The following PDE4D variants were observed in gnomAD, a reference collection of about 807,000 sequenced individuals.
PDE4D encodes the protein phosphodiesterase 4D, also known as 3',5'-cyclic-AMP phosphodiesterase 4D.
PDE4D carries 24 observed loss-of-function variants against 87.4 expected under a neutral mutation model. That is an observed-to-expected ratio of 0.27 (90% CI 0.20 to 0.39). PDE4D has a LOEUF of 0.39. Ranked by LOEUF, PDE4D falls within the 10% of genes least tolerant of loss-of-function variation. PDE4D has a pLI of 1.00. For missense variants in PDE4D, 714 were observed against 1,041.0 expected, an observed-to-expected ratio of 0.69 and a Z score of 4.32; for synonymous variants, 384 against 383.2, an observed-to-expected ratio of 1.00 and a Z score of -0.02.
At chr5:60,365,584 T>C (rs950866996) in intron 1 of PDE4D, among the ~76,000 whole-genome samples, 13 of 152,200 alleles carry the variant, frequency 8.5e-5, no homozygotes, top group African/African-American at 3.1e-4. Flanking sequence ...AATCAATAGA[T>C]AGATAAATAT....
chr5:59,474,645 A>G (rs147836078), intron 1 of PDE4D, among the ~76,000 whole-genome samples: 2,373 of 152,252 alleles, frequency 0.016, 79 homozygotes, highest in African/African-American at 0.055. Flanking sequence ...TACTACAATA[A>G]GTAGAGCCTC....
In PDE4D at chr5:60,437,885, T is replaced by C. The variant is rs557288419; in HGVS notation, c.-90+50057A>G. 7.9e-4 allele frequency among the ~76,000 whole-genome samples: 120 copies of C among 152,280 alleles called. 1 individual carries two copies. The highest frequency in any genetic ancestry group is 2.8e-3 in the African/African-American group (115 of 41,576). On this transcript the variant is annotated intron_variant, in intron 1 of 16. Transcript: ENST00000502484. Reference sequence around the variant, plus strand: ...AGAAGCTATGATGAATTTTTATTTCTACTTTCCTTCATTAGAACAACTTTT... The same window carrying C: ...AGAAGCTATGATGAATTTTTATTTCCACTTTCCTTCATTAGAACAACTTTT...
At chr5:59,308,859 A>T (rs1401369786) in intron 1 of PDE4D, among the ~76,000 whole-genome samples, 1 of 151,876 alleles carries the variant, frequency 6.6e-6, no homozygotes, top group Non-Finnish European at 1.5e-5. Context: ...GGGAAGGACC[A>T]TCAGGTGGGG....
At chr5:59,997,981 A>G (rs1443607895) in intron 2 of PDE4D, among the ~76,000 whole-genome samples, 2 of 152,236 alleles carry the variant, frequency 1.3e-5, no homozygotes, top group Non-Finnish European at 2.9e-5. Flanking sequence ...GGCTGGTTCC[A>G]TGGGAGCTTT....
chr5:59,053,485 G>A (rs1224020393), intron 5 of PDE4D, among the ~76,000 whole-genome samples: 1 of 151,366 alleles, frequency 6.6e-6, no homozygotes, highest in Non-Finnish European at 1.5e-5. Context: ...ACAAAAATAT[G>A]TGTAGCAAGT....
At chr5:59,517,990 A>G (rs189052276) in intron 1 of PDE4D, among the ~76,000 whole-genome samples, 23 of 152,316 alleles carry the variant, frequency 1.5e-4, no homozygotes, top group African/African-American at 5.5e-4. Context: ...TCAATTAATT[A>G]TTTGTTGTTG....
intron 2 of PDE4D, chr5:60,127,804 T>C (rs1779241718): frequency 2.2e-6 from 1 of 453,260 alleles, no homozygotes; most frequent in Non-Finnish European, 3.9e-6. Flanking sequence ...AGGACAAATA[T>C]GGGCTGAATA....
chr5:59,384,526 G>T (rs1262365186), intron 1 of PDE4D, among the ~76,000 whole-genome samples: 1 of 152,120 alleles, frequency 6.6e-6, no homozygotes, highest in Non-Finnish European at 1.5e-5. Flanking sequence ...TGTAGTATGG[G>T]AAACAACAAT....
At chr5:59,238,332 G>A (rs1048584909) in intron 1 of PDE4D, among the ~76,000 whole-genome samples, 6 of 152,072 alleles carry the variant, frequency 3.9e-5, no homozygotes, top group African/African-American at 7.2e-5. Context: ...TTGTAATATA[G>A]GATCAACAGT....
At chr5:60,008,237 T>A (rs942396446) in intron 2 of PDE4D, among the ~76,000 whole-genome samples, 4 of 151,754 alleles carry the variant, frequency 2.6e-5, no homozygotes, top group African/African-American at 9.7e-5. Context: ...TCCTTTTTTA[T>A]CCCCCCGGGT....
intron 1 of PDE4D, among the ~76,000 whole-genome samples, chr5:59,236,767 C>T (rs373108231): frequency 5.5e-5 from 8 of 144,482 alleles, no homozygotes; most frequent in South Asian, 2.2e-4. Context: ...TGTGGTTAAA[C>T]GGGATGGAGA....
At position 59,311,794 on chromosome 5, in the gene PDE4D, C is replaced by T. The variant is rs140470396; in HGVS notation, c.456-95826G>A. Among the ~76,000 whole-genome samples, 201 of 152,192 alleles carry T rather than the reference C, an allele frequency of 1.3e-3. 1 individual carries two copies. The highest frequency in any genetic ancestry group is 4.6e-3 in the African/African-American group (193 of 41,542). Reference sequence around the variant, plus strand: ...TTCTGCCATTATCAGGGCAAAAAGCCAGAGGTCCCCTATTTACAAACCTTT... The same window carrying T: ...TTCTGCCATTATCAGGGCAAAAAGCTAGAGGTCCCCTATTTACAAACCTTT... On this transcript the variant is annotated intron_variant, in intron 1 of 14. Transcript: ENST00000340635.
At chr5:59,442,495 C>G (rs1025155148) in intron 1 of PDE4D, among the ~76,000 whole-genome samples, 5 of 152,186 alleles carry the variant, frequency 3.3e-5, no homozygotes, top group Non-Finnish European at 7.3e-5. Flanking sequence ...TGAAGAGTGA[C>G]ACCCAGAGAA....
chr5:60,147,246 G>C lies in PDE4D; in HGVS notation c.42+38311C>G, dbSNP rs73100739. Among the ~76,000 whole-genome samples, 545 of 152,298 alleles carry C rather than the reference G, an allele frequency of 3.6e-3. 1 individual carries two copies. Among genetic ancestry groups the C allele is most frequent in the African/African-American group, 0.012 (517 of 41,560 alleles). On this transcript the variant is annotated intron_variant, in intron 2 of 16. Transcript: ENST00000502484. ...AAGAAAGGTTTCCCAGAACACCTTT[G>C]AAAGTTGGTGCCTTATAAATGGAAA...
intron 1 of PDE4D, among the ~76,000 whole-genome samples, chr5:59,310,232 C>T (rs59760954): frequency 0.14 from 20,929 of 152,118 alleles, 1,712 homozygotes; most frequent in East Asian, 0.33. Context: ...TAAGTCTACA[C>T]CCTATTATGC....
intron 2 of PDE4D, among the ~76,000 whole-genome samples, chr5:60,076,654 A>G (rs1309335345): frequency 7.0e-6 from 1 of 143,784 alleles, no homozygotes; most frequent in Non-Finnish European, 1.5e-5. Flanking sequence ...TCAGTTCCCA[A>G]CTTTGTTTTC....
chr5:59,957,270 A>T (rs1758936347), intron 3 of PDE4D, among the ~76,000 whole-genome samples: 1 of 152,086 alleles, frequency 6.6e-6, no homozygotes, highest in African/African-American at 2.4e-5. Context: ...TTGCTTTTGA[A>T]TACTGAGTGT....
chr5:59,661,175 C>T (rs1745204757), intron 1 of PDE4D, among the ~76,000 whole-genome samples: 1 of 151,122 alleles, frequency 6.6e-6, no homozygotes, highest in Non-Finnish European at 1.5e-5. Context: ...TAACTATAAA[C>T]ATGTTGAACA....
chr5:59,306,319 T>G (rs1412272037), intron 1 of PDE4D, among the ~76,000 whole-genome samples: 1 of 152,166 alleles, frequency 6.6e-6, no homozygotes, highest in African/African-American at 2.4e-5. Flanking sequence ...AGCAGATAGT[T>G]GGTTGGTGAG....
Sources: gnomAD v4.1 joint callset for allele counts (sites outside exome capture counted in the v4.1 genomes callset) on GRCh38, gnomAD v4.1.1 for gene constraint, MANE v1.5 for transcripts, NCBI Gene and HGNC (gene_info 2026-07-23, HGNC 2026-07-21) for gene names.